UBR4: variants seen among roughly 807,000 people sequenced by gnomAD.
UBR4 encodes the protein E3 ubiquitin-protein ligase UBR4.
A neutral mutation model predicts 575.6 loss-of-function variants in UBR4; 124 were observed. That is an observed-to-expected ratio of 0.22 (90% CI 0.19 to 0.25). UBR4 has a LOEUF of 0.25. Ranked by LOEUF, UBR4 falls within the 10% of genes least tolerant of loss-of-function variation. The pLI, the probability that UBR4 is intolerant of heterozygous loss-of-function variation, is 1.00. For missense variants in UBR4, 4,818 were observed against 6,478.8 expected, an observed-to-expected ratio of 0.74 and a Z score of 8.80; for synonymous variants, 2,455 against 2,473.7, an observed-to-expected ratio of 0.99 and a Z score of 0.22.
rs577704269 is a variant in UBR4, at chr1:19,086,082, C to T, written c.14813+63G>A. On this transcript the variant is annotated intron_variant, in intron 101 of 105. Transcript: ENST00000375254. ...TGTCACCAGGGGATTGGGCTGATAGCGGGTCTTGTCCCATCCCCTGCAAAT... is the reference window on the plus strand; with the variant it reads ...TGTCACCAGGGGATTGGGCTGATAGTGGGTCTTGTCCCATCCCCTGCAAAT... 95 of 1,580,622 alleles carry T rather than the reference C, an allele frequency of 6.0e-5. 1 individual carries two copies. The highest frequency in any genetic ancestry group is 4.3e-4 in the South Asian group (37 of 86,542).
intron 67 of UBR4, 112 bp downstream of exon 67, chr1:19,121,822 A>G (rs2081211317): frequency 9.7e-6 from 12 of 1,235,266 alleles, no homozygotes; most frequent in Non-Finnish European, 1.3e-5. Context: ...TGTCTAGTCT[A>G]TCTTGTTCAC....
At chr1:19,198,955 A>G in intron 3 of UBR4, 27 bp from the exon 4 acceptor site, 6 of 1,607,450 alleles carry the variant, frequency 3.7e-6, no homozygotes, top group Non-Finnish European at 4.2e-6. Flanking sequence ...TGCAAACAAA[A>G]GAAAACAAAA....
At position 19,177,446 on chromosome 1, in the gene UBR4, C is replaced by A; in HGVS notation, c.2637+15G>T. The A allele has an allele frequency of 6.2e-7, 1 of 1,603,832 alleles. No individual in the cohort carries two copies. Among genetic ancestry groups the A allele is most frequent in the Non-Finnish European group, 8.5e-7 (1 of 1,172,472 alleles). On this transcript the variant is annotated intron_variant, in intron 19 of 105. Coordinates refer to ENST00000375254, the MANE Select transcript of UBR4 (RefSeq NM_020765.3). ...TCAGTAATGGTGAAGCAAAAAAGAA[C>A]GTGTTGGTCTGTACCTGCTCAAATA...
intron 17 of UBR4, 90 bp downstream of exon 17, chr1:19,183,721 C>CA: frequency 2.9e-6 from 4 of 1,379,232 alleles, no homozygotes; most frequent in East Asian, 2.4e-5. Context: ...GACTCCATCT[C>CA]AAAAAAACAA....
chr1:19,074,951 C>A, intron 105 of UBR4, 55 bp from the exon 106 acceptor site: 1 of 1,587,084 alleles, frequency 6.3e-7, no homozygotes, highest in South Asian at 1.1e-5. Flanking sequence ...GCCCCCATTC[C>A]CCCTGAGTCA....
chr1:19,144,526 G>T (rs375205016), intron 54 of UBR4, among the ~76,000 whole-genome samples: 4 of 152,146 alleles, frequency 2.6e-5, no homozygotes, highest in Admixed American at 2.6e-4. Context: ...ACAATTCACC[G>T]AGTTACCTAG....
chr1:19,100,580 G>A lies in UBR4; in HGVS notation c.13024-7C>T, dbSNP rs2078521970. On this transcript the variant is annotated splice_region_variant and splice_polypyrimidine_tract_variant and intron_variant, in intron 88 of 105. Transcript: ENST00000375254. This position sits in a 1 kb window ranked among gnomAD's most constrained non-coding sequence, Gnocchi z 4.2. Reference sequence around the variant, plus strand: ...CAGTGACTTCATTCTCCTCCTGGAGGACAGACAGAAGGGTGCATCAGAAGG... The same window carrying A: ...CAGTGACTTCATTCTCCTCCTGGAGAACAGACAGAAGGGTGCATCAGAAGG... The A allele has an allele frequency of 6.2e-7, 1 of 1,613,820 alleles. No homozygotes were observed. The highest frequency in any genetic ancestry group is 8.5e-7 in the Non-Finnish European group (1 of 1,179,886).
chr1:19,165,324 C>T lies in UBR4; in HGVS notation c.4237G>A (p.Ala1413Thr), dbSNP rs1198678479. 30 of 1,613,996 alleles carry T rather than the reference C, an allele frequency of 1.9e-5. No individual in the cohort carries two copies. Among genetic ancestry groups the T allele is most frequent in the Non-Finnish European group, 2.5e-5 (30 of 1,180,026 alleles). Residue 1413 changes from alanine to threonine, a missense_variant, in exon 31 of 106, where the codon GCA (alanine) becomes ACA (threonine). Ala to Thr is a moderately conservative substitution (Grantham distance 58). Around this residue, in one of 29 missense-constraint regions of UBR4, gnomAD observed 1,172 missense variants for 1,259.7 expected, o/e 0.93. Coordinates refer to ENST00000375254, the MANE Select transcript of UBR4 (RefSeq NM_020765.3). ...GCAGAGAGGTTCTCATTGGCTGTTGCCATCATGATCTGTACAAGTTCTCCA... is the reference window on the plus strand; with the variant it reads ...GCAGAGAGGTTCTCATTGGCTGTTGTCATCATGATCTGTACAAGTTCTCCA... The part of the protein sequence containing the change: ...DSGELVQIMM[A>T]TANENLSAKF...
chr1:19,092,906 G>T lies in UBR4; in HGVS notation c.14124C>A (p.Asp4708Glu). Residue 4708 changes from aspartate to glutamate, a missense_variant, in exon 97 of 106, where the codon GAC becomes GAA. Around this residue, in one of 29 missense-constraint regions of UBR4, gnomAD observed 39 missense variants for 37.5 expected, o/e 1.04. Transcript: ENST00000375254. ...HIPSAKNLDA[D>E]IWKKFLSRPA... ...GGCGAGACAAAAACTTTTTCCAGAT[G>T]TCGGCATCCAAACTGCAAAGCAAAG... is the stretch of plus-strand genomic sequence containing the variant. The T allele has an allele frequency of 1.9e-6, 3 of 1,613,358 alleles. No homozygotes were observed. The highest frequency in any genetic ancestry group is 2.5e-6 in the Non-Finnish European group (3 of 1,179,784).
intron 43 of UBR4, 104 bp downstream of exon 43, chr1:19,155,337 T>C (rs1390950876): frequency 8.1e-7 from 1 of 1,234,652 alleles, no homozygotes; most frequent in Non-Finnish European, 1.1e-6. Context: ...TCCAGTTAGA[T>C]GAAGTCCACA....
chr1:19,186,782 T>G (rs1218062365), intron 13 of UBR4, 125 bp from the exon 14 acceptor site: 14 of 796,926 alleles, frequency 1.8e-5, no homozygotes, highest in Non-Finnish European at 2.5e-5. Flanking sequence ...ATAGCTCCCT[T>G]AATTAAGGAC....
rs760171401 is a variant in UBR4, at chr1:19,145,838, C to T, written c.7900G>A (p.Ala2634Thr). 2 of 1,614,072 alleles carry T rather than the reference C, an allele frequency of 1.2e-6. No individual in the cohort carries two copies. Among genetic ancestry groups the T allele is most frequent in the Non-Finnish European group, 1.7e-6 (2 of 1,180,032 alleles). The change falls in exon 53 of 106, where the codon GCA (alanine) becomes ACA (threonine). Residue 2634 changes from alanine to threonine, a missense_variant. Coordinates refer to ENST00000375254, the MANE Select transcript of UBR4 (RefSeq NM_020765.3). ...QLVNHFWKLH[A>T]SKPKNAFLAP... The stretch of plus-strand genomic sequence containing the variant: ...AAGAAGGCATTCTTGGGTTTGGATG[C>T]ATGGAGTTTCCAGAAGTGGTTCACA...
intron 22 of UBR4, 22 bp from the exon 23 acceptor site, chr1:19,173,643 T>C (rs370416672): frequency 2.1e-5 from 34 of 1,612,464 alleles, no homozygotes; most frequent in Admixed American, 6.7e-5. Context: ...AAAAGCAGCA[T>C]AGAGGTAGCA....
intron 89 of UBR4, 48 bp from the exon 90 acceptor site, chr1:19,099,725 A>T (rs2078424970): frequency 2.6e-6 from 4 of 1,565,378 alleles, no homozygotes; most frequent in Non-Finnish European, 3.5e-6. Flanking sequence ...ATTGTAAGAC[A>T]AGTAAAATCC....
At position 19,114,068 on chromosome 1, in the gene UBR4, A is replaced by T. The variant is rs1184501742; in HGVS notation, c.11205T>A (p.Ala3735=). The part of the protein sequence containing the change: ...PIENEEDRKK[A]VSNINTLLDK... ...CCAAAAGTGTATTGATGTTGGATAC[A>T]GCCTAGACAGGAAAAGACAGGGACT... Residue 3735 remains alanine (A), a splice_region_variant and synonymous_variant, in exon 76 of 106, where the codon GCT becomes GCA. Coordinates refer to ENST00000375254, the MANE Select transcript of UBR4 (RefSeq NM_020765.3). 2 of 1,610,360 alleles carry T rather than the reference A, an allele frequency of 1.2e-6. No individual in the cohort carries two copies. The highest frequency in any genetic ancestry group is 1.7e-6 in the Non-Finnish European group (2 of 1,176,790).
chr1:19,173,357 T>G, intron 23 of UBR4, 51 bp from the exon 24 acceptor site: 2 of 1,611,240 alleles, frequency 1.2e-6, no homozygotes, highest in Non-Finnish European at 1.7e-6. Context: ...AGGCAAAGCT[T>G]TCATTATCTT....
At position 19,139,332 on chromosome 1, in the gene UBR4, A is replaced by ATGCACTATGT; in HGVS notation, c.8594-113_8594-112insACATAGTGCA. 7.5e-7 allele frequency: 1 copy of ATGCACTATGT among 1,334,346 alleles called. No homozygotes were observed. Among genetic ancestry groups the ATGCACTATGT allele is most frequent in the Non-Finnish European group, 9.9e-7 (1 of 1,014,052 alleles). The allele number at this position is 1,334,346 out of a possible 1,614,324, so 82.7% of individuals were successfully genotyped here. On this transcript the variant is annotated intron_variant, in intron 58 of 105. Coordinates refer to ENST00000375254, the MANE Select transcript of UBR4 (RefSeq NM_020765.3). This position sits in a 1 kb window ranked among gnomAD's most constrained non-coding sequence, Gnocchi z 4.2. The stretch of plus-strand genomic sequence containing the variant: ...GAAAGCATCAAACCACATAGTGCAT[A>ATGCACTATGT]GGACACAATGCAGTTTATATATCCT...
chr1:19,126,403 T>C (rs778698778), intron 64 of UBR4, 43 bp downstream of exon 64: 2 of 1,612,166 alleles, frequency 1.2e-6, no homozygotes, highest in Non-Finnish European at 8.5e-7. Flanking sequence ...AAGAGTGCTC[T>C]GAACAAAGGA....
intron 66 of UBR4, 142 bp downstream of exon 66, chr1:19,122,691 G>A: frequency 1.1e-6 from 1 of 925,340 alleles, no homozygotes; most frequent in Non-Finnish European, 1.6e-6. Flanking sequence ...CAGGGGTTAT[G>A]GATTTACCCT....
Sources: gnomAD v4.1 joint callset for allele counts (sites outside exome capture counted in the v4.1 genomes callset) on GRCh38, gnomAD v4.1.1 for gene constraint, gnomAD v4.1.1 regional missense constraint, Gnocchi (gnomAD v3.1) non-coding constraint, MANE v1.5 for transcripts, NCBI Gene and HGNC (gene_info 2026-07-23, HGNC 2026-07-21) for gene names.